NAV1: variants seen among roughly 807,000 people sequenced by gnomAD.
The protein encoded by NAV1 is pore membrane and/or filament interacting like protein 3.
A neutral mutation model predicts 175.2 loss-of-function variants in NAV1; 18 were observed. The ratio of observed to expected loss-of-function variants is 0.10; its 90% CI spans 0.07 to 0.15. NAV1 has a LOEUF of 0.15. Ranked by LOEUF, NAV1 falls within the 10% of genes least tolerant of loss-of-function variation. The pLI is 1.00. For missense variants in NAV1, 1,731 were observed against 2,436.6 expected (o/e 0.71, Z 6.10); for synonymous variants, 897 against 978.7 (o/e 0.92, Z 1.56).
chr1:201,556,721 C>G (rs1158545487), intron 1 of NAV1, among the ~76,000 whole-genome samples: 2 of 152,228 alleles, frequency 1.3e-5, no homozygotes, highest in Admixed American at 1.3e-4. Flanking sequence ...TAAGGACCAG[C>G]CCTGCCCCCT....
At chr1:201,666,921 T>TA (rs1323638289) in intron 1 of NAV1, among the ~76,000 whole-genome samples, 9 of 151,742 alleles carry the variant, frequency 5.9e-5, no homozygotes, top group African/African-American at 2.2e-4. Context: ...TCAACGGAAT[T>TA]AAAAAAACAA....
At chr1:201,682,884 A>C (rs775641691) in intron 1 of NAV1, among the ~76,000 whole-genome samples, 1 of 152,238 alleles carries the variant, frequency 6.6e-6, no homozygotes, top group Non-Finnish European at 1.5e-5. Context: ...AAAAGTTGCA[A>C]GGCTAGTACA....
In NAV1 at chr1:201,774,333, T is replaced by A. The variant is rs186960285; in HGVS notation, c.1227-6088T>A. ...AAGCTGCCTTCCTTTCTCCCTGCTA[T>A]CTTGAGTGACCAGGCAGTTGCTTTG... On this transcript the variant is annotated intron_variant, in intron 3 of 29. Transcript: ENST00000367296. 1.1e-3 allele frequency among the ~76,000 whole-genome samples: 172 copies of A among 152,310 alleles called. 1 individual carries two copies. The highest frequency in any genetic ancestry group is 2.0e-3 in the Non-Finnish European group (137 of 68,020).
At position 201,790,909 on chromosome 1, in the gene NAV1, T is replaced by G. The variant is rs556418131; in HGVS notation, c.3321+143T>G. ...ATGCGTCTTCTTCACAGCTCTATGATAGAAGACGAGGGGATTGTTCTTCCC... is the reference window on the plus strand; with the variant it reads ...ATGCGTCTTCTTCACAGCTCTATGAGAGAAGACGAGGGGATTGTTCTTCCC... On this transcript the variant is annotated intron_variant, in intron 13 of 29. Transcript: ENST00000367296. 7.0e-6 allele frequency: 5 copies of G among 711,282 alleles called. No individual in the cohort carries two copies. The East Asian group carries it at 1.1e-4, about 15-fold the overall frequency. The allele number at this position is 711,282 out of a possible 1,614,324, so 44.1% of individuals were successfully genotyped here. A position where few individuals can be genotyped will look rare whatever the true frequency, so the allele number is the denominator to read the frequency against.
chr1:201,570,082 G>A (rs973872025), intron 1 of NAV1, among the ~76,000 whole-genome samples: 7 of 152,128 alleles, frequency 4.6e-5, no homozygotes, highest in East Asian at 1.9e-4. Context: ...ATAGTCATCC[G>A]GGGTGAGCGC....
At chr1:201,765,011 A>G (rs1042926122) in intron 3 of NAV1, among the ~76,000 whole-genome samples, 2 of 152,226 alleles carry the variant, frequency 1.3e-5, no homozygotes, top group Admixed American at 6.5e-5. Flanking sequence ...AGAGTGAGCT[A>G]AAGTGGGTAT....
chr1:201,597,946 C>A (rs1039785369), intron 2 of NAV1, among the ~76,000 whole-genome samples: 4 of 152,184 alleles, frequency 2.6e-5, no homozygotes, highest in Non-Finnish European at 5.9e-5. Flanking sequence ...GGCCAGGGAG[C>A]AAGGGGAGGG....
chr1:201,542,577 C>G (rs1665544386), intron 1 of NAV1, among the ~76,000 whole-genome samples: 1 of 152,110 alleles, frequency 6.6e-6, no homozygotes, highest in African/African-American at 2.4e-5. Context: ...CTCCGAGAGG[C>G]CTGCGATTTT....
intron 17 of NAV1, among the ~76,000 whole-genome samples, chr1:201,805,119 T>C (rs1183689974): frequency 6.6e-6 from 1 of 152,214 alleles, no homozygotes; most frequent in African/African-American, 2.4e-5. Context: ...CCAGAATTTC[T>C]GTTATGAACC....
intron 3 of NAV1, among the ~76,000 whole-genome samples, chr1:201,732,628 T>C (rs1364387298): frequency 6.6e-6 from 1 of 152,264 alleles, no homozygotes; most frequent in Non-Finnish European, 1.5e-5. Context: ...TTACTTAGCC[T>C]CTTTGTGCTT....
intron 1 of NAV1, among the ~76,000 whole-genome samples, chr1:201,704,644 T>C (rs1267114): frequency 0.093 from 14,177 of 152,250 alleles, 1,149 homozygotes; most frequent in African/African-American, 0.21. Context: ...TGGTATGCAA[T>C]GAGATGTAAG....
chr1:201,702,224 G>A (rs1035415746), intron 1 of NAV1, among the ~76,000 whole-genome samples: 4 of 152,194 alleles, frequency 2.6e-5, no homozygotes, highest in African/African-American at 7.2e-5. Context: ...AGGAGTTGGA[G>A]CAAGGGGAGA....
intron 1 of NAV1, among the ~76,000 whole-genome samples, chr1:201,627,711 T>A (rs992653324): frequency 6.6e-6 from 1 of 152,122 alleles, no homozygotes; most frequent in African/African-American, 2.4e-5. Context: ...CCCAGTAGAA[T>A]TTTCTGTTAC....
chr1:201,685,023 T>C (rs929805510), intron 1 of NAV1, among the ~76,000 whole-genome samples: 23 of 147,350 alleles, frequency 1.6e-4, no homozygotes, highest in Admixed American at 1.4e-4. Context: ...ATGCCTGTAA[T>C]CCCAACTGTT....
intron 15 of NAV1, chr1:201,795,297 T>C (rs574034537): frequency 6.6e-6 from 1 of 152,398 alleles, no homozygotes; most frequent in East Asian, 1.9e-4. Context: ...GAGAACTCCA[T>C]TGACTTTTCC....
intron 2 of NAV1, among the ~76,000 whole-genome samples, chr1:201,592,698 G>A (rs1043588133): frequency 2.0e-5 from 3 of 152,072 alleles, no homozygotes; most frequent in Non-Finnish European, 4.4e-5. Context: ...GCAAGGAGGA[G>A]ATAATCAATT....
intron 2 of NAV1, among the ~76,000 whole-genome samples, chr1:201,604,461 C>A (rs1250273666): frequency 1.3e-5 from 2 of 152,070 alleles, no homozygotes; most frequent in East Asian, 3.9e-4. Context: ...GATAGTAGAT[C>A]ATTTGAAGTC....
intron 1 of NAV1, among the ~76,000 whole-genome samples, chr1:201,562,014 G>GT (rs1007399408): frequency 2.0e-5 from 3 of 151,940 alleles, no homozygotes; most frequent in African/African-American, 7.3e-5. Flanking sequence ...TTATTTTTCG[G>GT]TTTTTTTAGA....
At chr1:201,817,974 T>C (rs980374643) in intron 29 of NAV1, among the ~76,000 whole-genome samples, 1 of 152,126 alleles carries the variant, frequency 6.6e-6, no homozygotes, top group Non-Finnish European at 1.5e-5. Flanking sequence ...ACACCTGTAA[T>C]TCCAGCAGTT....
Sources: gnomAD v4.1 joint callset for allele counts (sites outside exome capture counted in the v4.1 genomes callset) on GRCh38, gnomAD v4.1.1 for gene constraint, MANE v1.5 for transcripts, NCBI Gene and HGNC (gene_info 2026-07-23, HGNC 2026-07-21) for gene names.